The following MEIS1 variants were observed in gnomAD, a reference collection of about 807,000 sequenced individuals.
MEIS1 encodes Meis homeobox 1.
A neutral mutation model predicts 50.8 loss-of-function variants in MEIS1; 5 were observed. The ratio of observed to expected loss-of-function variants is 0.10; its 90% CI spans 0.05 to 0.21. The LOEUF (loss-of-function observed/expected upper bound fraction) is 0.21, where lower values mean the gene tolerates loss of function less well. MEIS1 is among the 10% of genes least tolerant of loss of function. The pLI is 1.00. For synonymous variants in MEIS1, 176 were observed against 179.3 expected (o/e 0.98, Z 0.15); for missense variants, 318 against 517.3 (o/e 0.61, Z 3.74).
chr2:66,564,721 T>G (rs1675297119), intron 9 of MEIS1, among the ~76,000 whole-genome samples: 5 of 126,098 alleles, frequency 4.0e-5, no homozygotes. Context: ...AAAGTAATTG[T>G]TTTTTTTTTT....
intron 6 of MEIS1, among the ~76,000 whole-genome samples, chr2:66,461,310 G>A (rs1018602312): frequency 2.0e-5 from 3 of 152,118 alleles, no homozygotes; most frequent in Admixed American, 6.5e-5. Context: ...GGGGGAGTTC[G>A]TTCTGATTAG....
intron 6 of MEIS1, among the ~76,000 whole-genome samples, chr2:66,446,474 G>C (rs1672149859): frequency 6.6e-6 from 1 of 152,166 alleles, no homozygotes; most frequent in African/African-American, 2.4e-5. Flanking sequence ...AGCGAGCCGA[G>C]ATTAGCTAGG....
At chr2:66,455,454 G>T (rs1465663158) in intron 6 of MEIS1, among the ~76,000 whole-genome samples, 1 of 152,210 alleles carries the variant, frequency 6.6e-6, no homozygotes, top group Non-Finnish European at 1.5e-5. Context: ...CATCAGGAAA[G>T]CCTTTGGAAT....
chr2:66,528,593 A>G (rs924982611), intron 8 of MEIS1, among the ~76,000 whole-genome samples: 3 of 151,778 alleles, frequency 2.0e-5, no homozygotes, highest in African/African-American at 7.3e-5. Context: ...AGTCCCATCA[A>G]TTCTCTCTCC....
rs1451169391 is a variant in MEIS1 at position 66,538,255 on chromosome 2, GC to G, written c.889-9687del. Among the ~76,000 whole-genome samples the G allele has an allele frequency of 2.0e-5, 3 of 152,144 alleles. No homozygotes were observed. The East Asian group carries it at 5.8e-4, about 29-fold the overall frequency. Reference sequence around the variant, plus strand: ...ATTGACTACTTAGAGTCAAATCCCAGCTCTATTTTACTTGCCAGTAAATTAG... The same window carrying G: ...ATTGACTACTTAGAGTCAAATCCCAGTCTATTTTACTTGCCAGTAAATTAG... On this transcript the variant is annotated intron_variant, in intron 8 of 12. Coordinates refer to ENST00000272369, the MANE Select transcript of MEIS1 (RefSeq NM_002398.3).
intron 7 of MEIS1, among the ~76,000 whole-genome samples, chr2:66,466,507 A>T (rs2103749618): frequency 6.6e-6 from 1 of 152,132 alleles, no homozygotes; most frequent in South Asian, 2.1e-4. Flanking sequence ...GCCAACCGTC[A>T]CCCTTCTAAA....
At chr2:66,526,921 C>A (rs4480973) in intron 8 of MEIS1, among the ~76,000 whole-genome samples, 31,666 of 151,996 alleles carry the variant, frequency 0.21, 4,098 homozygotes, top group Non-Finnish European at 0.27. Context: ...GAAGTGAAAA[C>A]ATCATCAATT....
intron 8 of MEIS1, among the ~76,000 whole-genome samples, chr2:66,540,264 A>G (rs2103914140): frequency 6.6e-6 from 1 of 152,330 alleles, no homozygotes; most frequent in South Asian, 2.1e-4. Context: ...ACTTCAAAGT[A>G]AAGCATGAGT....
intron 6 of MEIS1, among the ~76,000 whole-genome samples, chr2:66,449,741 C>A (rs1183444110): frequency 6.6e-6 from 1 of 152,162 alleles, no homozygotes. Flanking sequence ...CAATTGGCAA[C>A]AATTTACTAG....
At chr2:66,466,946 A>G (rs1013927694) in intron 7 of MEIS1, among the ~76,000 whole-genome samples, 5 of 151,804 alleles carry the variant, frequency 3.3e-5, no homozygotes, top group Non-Finnish European at 7.4e-5. Context: ...GTGGTTAAAA[A>G]AAAAAAAAAG....
intron 7 of MEIS1, among the ~76,000 whole-genome samples, chr2:66,465,921 TTAA>T (rs1196288679): frequency 6.6e-6 from 1 of 152,212 alleles, no homozygotes; most frequent in African/African-American, 2.4e-5. Context: ...AAAGGCCTAT[TTAA>T]TAATTTGATT....
chr2:66,472,721 G>A (rs1458801147), intron 7 of MEIS1, among the ~76,000 whole-genome samples: 2 of 152,156 alleles, frequency 1.3e-5, no homozygotes, highest in South Asian at 2.1e-4. Flanking sequence ...CTTGGTAGGT[G>A]TAGACGTTCA....
intron 8 of MEIS1, among the ~76,000 whole-genome samples, chr2:66,535,486 T>C (rs573152128): frequency 5.9e-5 from 9 of 152,356 alleles, no homozygotes; most frequent in African/African-American, 2.2e-4. Flanking sequence ...CCCACTCATC[T>C]AAGATATTCC....
intron 7 of MEIS1, among the ~76,000 whole-genome samples, chr2:66,488,632 C>A (rs553626501): frequency 6.6e-6 from 1 of 152,182 alleles, no homozygotes; most frequent in East Asian, 1.9e-4. Context: ...GAGCCGAGAT[C>A]GCGCCACTGC....
At chr2:66,548,467 C>G (rs1179002957) in intron 9 of MEIS1, among the ~76,000 whole-genome samples, 1 of 152,142 alleles carries the variant, frequency 6.6e-6, no homozygotes, top group Non-Finnish European at 1.5e-5. Flanking sequence ...GATAGCCTCT[C>G]CTTTGCTCTT....
At chr2:66,486,881 C>G (rs1673156396) in intron 7 of MEIS1, among the ~76,000 whole-genome samples, 1 of 152,106 alleles carries the variant, frequency 6.6e-6, no homozygotes, top group African/African-American at 2.4e-5. Context: ...GGAGTTTGCT[C>G]ATGATTTGGG....
intron 6 of MEIS1, 183 bp downstream of exon 6, chr2:66,443,231 G>T: frequency 1.6e-6 from 1 of 618,200 alleles, no homozygotes; most frequent in Non-Finnish European, 2.6e-6. Context: ...GCTGGCTCTG[G>T]GATTCGACCT....
chr2:66,498,869 T>G (rs1481778293), intron 7 of MEIS1, among the ~76,000 whole-genome samples: 1 of 152,132 alleles, frequency 6.6e-6, no homozygotes, highest in Non-Finnish European at 1.5e-5. Context: ...AATCTCAAGC[T>G]CCTCCCTACT....
At chr2:66,540,338 G>A (rs1253572645) in intron 8 of MEIS1, among the ~76,000 whole-genome samples, 6 of 152,064 alleles carry the variant, frequency 3.9e-5, no homozygotes, top group Non-Finnish European at 8.8e-5. Context: ...TGTTTTTTGA[G>A]ATGTCTGTTG....
Sources: allele counts gnomAD v4.1 joint callset (sites outside exome capture counted in the v4.1 genomes callset), GRCh38; gene constraint gnomAD v4.1.1; transcripts MANE v1.5; gene names NCBI Gene and HGNC (gene_info 2026-07-23, HGNC 2026-07-21).